Variants in TENM2 observed in about 807,000 individuals in gnomAD.
The protein encoded by TENM2 is teneurin-2.
Under a neutral mutation model 245.2 loss-of-function variants are expected in TENM2, and 52 were observed. The ratio of observed to expected loss-of-function variants is 0.21; its 90% confidence interval spans 0.17 to 0.27. The LOEUF (loss-of-function observed/expected upper bound fraction) is 0.27. Ranked by LOEUF, TENM2 falls within the 10% of genes least tolerant of loss-of-function variation. The probability of loss-of-function intolerance (pLI) is 1.00; values close to 1 mark genes in which losing one functional copy is unlikely to be tolerated. For missense variants in TENM2, 3,046 were observed against 3,666.8 expected, an observed-to-expected ratio of 0.83 and a Z score of 4.37; for synonymous variants, 1,363 against 1,438.9, an observed-to-expected ratio of 0.95 and a Z score of 1.19.
intron 21 of TENM2, 30 bp downstream of exon 23, chr5:168,215,302 C>A: frequency 6.3e-7 from 1 of 1,586,542 alleles, no homozygotes; most frequent in Non-Finnish European, 8.7e-7. Context: ...AGTCTCCCGC[C>A]CCAGATAAAG....
chr5:167,654,163 G>GT (rs1007296475), intron 2 of TENM2, among the ~76,000 whole-genome samples: 1 of 151,928 alleles, frequency 6.6e-6, no homozygotes, highest in African/African-American at 2.4e-5. Flanking sequence ...GTTCAATGCG[G>GT]TTTTTCTCTA....
chr5:167,511,385 C>A (rs1769942941), intron 2 of TENM2, among the ~76,000 whole-genome samples: 1 of 152,122 alleles, frequency 6.6e-6, no homozygotes, highest in African/African-American at 2.4e-5. Context: ...ATGCCAGGAA[C>A]ACAGAACATT....
At chr5:168,101,858 T>A (rs1581306489) in intron 9 of TENM2, among the ~76,000 whole-genome samples, 1 of 145,182 alleles carries the variant, frequency 6.9e-6, no homozygotes, top group Admixed American at 6.9e-5. Context: ...AGTATTTTTT[T>A]AAATGGCCAC....
At chr5:167,973,540 T>C (rs575541975) in intron 4 of TENM2, among the ~76,000 whole-genome samples, 5 of 152,238 alleles carry the variant, frequency 3.3e-5, no homozygotes, top group Admixed American at 6.5e-5. Context: ...TATAGGATGT[T>C]GTAAGCTGGA....
At chr5:167,022,029 T>C in the TENM2 span, among the ~76,000 whole-genome samples, 1 of 152,222 alleles carries the variant, frequency 6.6e-6, no homozygotes, top group Non-Finnish European at 1.5e-5. Context: ...GTCCAAATTA[T>C]TTTATACTAT....
At chr5:167,250,485 G>A in the TENM2 span, among the ~76,000 whole-genome samples, 3 of 151,826 alleles carry the variant, frequency 2.0e-5, no homozygotes, top group Admixed American at 6.6e-5. Context: ...ATTTTTTCAC[G>A]TGGCTAGTAA....
rs1413313296 is a variant in TENM2 at position 167,330,853 on chromosome 5, C to T, written c.227-44345C>T. The stretch of plus-strand genomic sequence containing the variant: ...ATCAAAATTTTGAGGACAGGGAGTA[C>T]GTTTCATTCTTCCATGTTTTCTCTG... On this transcript the variant is annotated intron_variant, in intron 1 of 28. Transcript: ENST00000518659. Among the ~76,000 whole-genome samples the T allele has an allele frequency of 3.3e-5, 5 of 152,212 alleles. No homozygotes were observed. In the East Asian group the frequency reaches 5.8e-4, roughly 18 times the overall value.
intron 3 of TENM2, among the ~76,000 whole-genome samples, chr5:167,898,729 C>T (rs1474879349): frequency 2.0e-5 from 3 of 152,112 alleles, no homozygotes; most frequent in Non-Finnish European, 2.9e-5. Context: ...TTGCCAGGGA[C>T]TTCATCAGGA....
At chr5:167,324,025 G>T (rs1541657) in intron 1 of TENM2, among the ~76,000 whole-genome samples, 88,855 of 152,010 alleles carry the variant, frequency 0.58, 26,077 homozygotes, top group Admixed American at 0.64. Flanking sequence ...GTTTGAATTC[G>T]TCTTAGCCGT....
At chr5:168,035,719 T>C (rs1379064781) in intron 5 of TENM2, among the ~76,000 whole-genome samples, 1 of 152,168 alleles carries the variant, frequency 6.6e-6, no homozygotes, top group African/African-American at 2.4e-5. Context: ...TTTCTGGGGC[T>C]GCAGGAGAAG....
the TENM2 span, among the ~76,000 whole-genome samples, chr5:167,152,722 C>CT: frequency 6.6e-6 from 1 of 152,136 alleles, no homozygotes; most frequent in East Asian, 1.9e-4. Context: ...TCCTAAGTGA[C>CT]TAATGTGCAG....
At chr5:167,326,987 G>A (rs562021017) in intron 1 of TENM2, among the ~76,000 whole-genome samples, 5 of 151,962 alleles carry the variant, frequency 3.3e-5, no homozygotes, top group South Asian at 2.1e-4. Flanking sequence ...AGGAAAACCC[G>A]GCAAATTCTG....
intron 2 of TENM2, among the ~76,000 whole-genome samples, chr5:167,517,586 G>GT (rs754574192): frequency 1.3e-3 from 194 of 149,722 alleles, no homozygotes; most frequent in Admixed American, 6.6e-4. Context: ...TATCTCATCA[G>GT]TGAGCGGATT....
the TENM2 span, among the ~76,000 whole-genome samples, chr5:167,236,534 T>C: frequency 6.6e-6 from 1 of 152,238 alleles, no homozygotes; most frequent in Non-Finnish European, 1.5e-5. Context: ...CTCTGGGTCC[T>C]ACTTTTTCTG....
intron 7 of TENM2, among the ~76,000 whole-genome samples, chr5:168,072,771 G>C (rs1045101960): frequency 2.0e-4 from 31 of 152,164 alleles, no homozygotes; most frequent in African/African-American, 6.5e-4. Context: ...CCAGGAAATG[G>C]TAAGCACCCC....
At position 168,082,436 on chromosome 5, in the gene TENM2, A is replaced by G. The variant is rs369119270; in HGVS notation, c.1516-8138A>G. Among the ~76,000 whole-genome samples, 4 of 152,218 alleles carry G rather than the reference A, an allele frequency of 2.6e-5. No homozygotes were observed. The East Asian group carries it at 5.8e-4, about 22-fold the overall frequency. ...GATCATCTGAAGCCTTCTTCTCTCA[A>G]CCCGTCAAAGCCATTCTCCGTCCAG... On this transcript the variant is annotated intron_variant, in intron 7 of 28. Coordinates refer to ENST00000518659, the Ensembl canonical transcript of TENM2.
At chr5:168,141,716 G>A (rs1203065151) in intron 12 of TENM2, among the ~76,000 whole-genome samples, 3 of 152,220 alleles carry the variant, frequency 2.0e-5, no homozygotes, top group Non-Finnish European at 4.4e-5. Flanking sequence ...ATACCTAAGT[G>A]TATAGGGAGA....
intron 3 of TENM2, among the ~76,000 whole-genome samples, chr5:167,913,066 A>G (rs1776671225): frequency 6.6e-6 from 1 of 152,034 alleles, no homozygotes; most frequent in South Asian, 2.1e-4. Flanking sequence ...CATTCCAGAG[A>G]AAAAAAACTA....
chr5:167,275,221 G>A, the TENM2 span, among the ~76,000 whole-genome samples: 2 of 151,970 alleles, frequency 1.3e-5, no homozygotes, highest in Non-Finnish European at 2.9e-5. Context: ...CCATTAATAT[G>A]TGTGTCTGTT....
Sources: allele counts gnomAD v4.1 joint callset (sites outside exome capture counted in the v4.1 genomes callset), GRCh38; gene constraint gnomAD v4.1.1; transcripts MANE v1.5; gene names NCBI Gene and HGNC (gene_info 2026-07-23, HGNC 2026-07-21).